The following PTPRN2 variants were observed in gnomAD, a reference collection of about 807,000 sequenced individuals.
The protein encoded by PTPRN2 is receptor-type tyrosine-protein phosphatase N2.
Under a neutral mutation model 118.8 loss-of-function variants are expected in PTPRN2, and 74 were observed. That is an observed-to-expected ratio of 0.62 (90% CI 0.52 to 0.76). The LOEUF (loss-of-function observed/expected upper bound fraction) is 0.76, where lower values mean the gene tolerates loss of function less well. PTPRN2 is among the 30% of genes least tolerant of loss of function. The probability of loss-of-function intolerance (pLI) is 0.00; values close to 1 mark genes in which losing one functional copy is unlikely to be tolerated. For synonymous variants in PTPRN2, 641 were observed against 608.0 expected (o/e 1.05, Z -0.80); for missense variants, 1,481 against 1,394.4 (o/e 1.06, Z -0.99).
chr7:158,581,640 T>G (rs1366839602), intron 1 of PTPRN2, among the ~76,000 whole-genome samples: 2 of 152,226 alleles, frequency 1.3e-5, no homozygotes. Flanking sequence ...GACACAGTCC[T>G]AGTCCTGGCA....
chr7:158,381,333 T>C (rs1208772170), intron 2 of PTPRN2, among the ~76,000 whole-genome samples: 1 of 152,234 alleles, frequency 6.6e-6, no homozygotes, highest in Admixed American at 6.5e-5. Context: ...TAGAAATTTC[T>C]TCCGCCACAT....
chr7:158,549,568 G>A (rs1826512972), intron 1 of PTPRN2, among the ~76,000 whole-genome samples: 1 of 152,280 alleles, frequency 6.6e-6, no homozygotes, highest in Non-Finnish European at 1.5e-5. Flanking sequence ...GCAAAGTCCT[G>A]CGGAGGCTGG....
At chr7:157,704,836 T>G (rs912506836) in intron 12 of PTPRN2, among the ~76,000 whole-genome samples, 1 of 152,226 alleles carries the variant, frequency 6.6e-6, no homozygotes, top group African/African-American at 2.4e-5. Flanking sequence ...AAAGTAATCT[T>G]CATAAGCCCC....
chr7:158,091,785 A>G, intron 10 of PTPRN2, among the ~76,000 whole-genome samples: 1 of 121,644 alleles, frequency 8.2e-6, no homozygotes. Flanking sequence ...TGGGTGGGTG[A>G]AGGATAGGTG....
At chr7:157,706,798 A>C (rs1173650249) in intron 12 of PTPRN2, among the ~76,000 whole-genome samples, 1 of 152,004 alleles carries the variant, frequency 6.6e-6, no homozygotes, top group Admixed American at 6.5e-5. Flanking sequence ...AACTGGGTGA[A>C]TCTGACCCCA....
chr7:158,154,203 CAG>C (rs1296620514), intron 6 of PTPRN2, among the ~76,000 whole-genome samples: 1 of 152,184 alleles, frequency 6.6e-6, no homozygotes, highest in African/African-American at 2.4e-5. Context: ...AACGCAGAGA[CAG>C]GTGTTCTCCG....
At position 157,671,996 on chromosome 7, in the gene PTPRN2, G is replaced by A. The variant is rs542110521; in HGVS notation, c.2001+10729C>T. 2.0e-5 allele frequency among the ~76,000 whole-genome samples: 3 copies of A among 152,142 alleles called. No homozygotes were observed. Among genetic ancestry groups the A allele is most frequent in the East Asian group, 1.9e-4 (1 of 5,176 alleles). On this transcript the variant is annotated intron_variant, in intron 13 of 22. Coordinates refer to ENST00000389418, the MANE Select transcript of PTPRN2 (RefSeq NM_002847.5). The surrounding 1 kb of genome is among the most constrained non-coding windows in gnomAD (Gnocchi z 4.1). ...CTGGAGGAAAACCCGTGAGCGAGTC[G>A]TGGAGGGAGTGTGAGGGTTTTTGGG...
At position 157,808,785 on chromosome 7, in the gene PTPRN2, C is replaced by T. The variant is rs964071129; in HGVS notation, c.1788+89888G>A. Among the ~76,000 whole-genome samples the T allele has an allele frequency of 5.9e-5, 9 of 152,146 alleles. No homozygotes were observed. The highest frequency in any genetic ancestry group is 1.3e-4 in the Admixed American group (2 of 15,266). ...CCCTGGTGCCAAAAAGAGTATGGAC[C>T]GCTGTCCTGGACAAACCCTGGGCCT... On this transcript the variant is annotated intron_variant, in intron 12 of 22. Coordinates refer to ENST00000389418, the MANE Select transcript of PTPRN2 (RefSeq NM_002847.5). The surrounding 1 kb of genome is among the most constrained non-coding windows in gnomAD (Gnocchi z 5.0).
intron 2 of PTPRN2, among the ~76,000 whole-genome samples, chr7:158,420,263 C>G (rs981717174): frequency 2.6e-5 from 4 of 152,166 alleles, no homozygotes; most frequent in African/African-American, 7.2e-5. Context: ...AGACTGCCCA[C>G]CCGCGAAAAG....
At chr7:157,790,681 C>T (rs1458020727) in intron 12 of PTPRN2, among the ~76,000 whole-genome samples, 1 of 152,096 alleles carries the variant, frequency 6.6e-6, no homozygotes, top group Non-Finnish European at 1.5e-5. Flanking sequence ...AAACAATTTA[C>T]CATAAGATAA....
At chr7:157,727,527 G>A (rs1057480802) in intron 12 of PTPRN2, among the ~76,000 whole-genome samples, 1 of 149,304 alleles carries the variant, frequency 6.7e-6, no homozygotes, top group African/African-American at 2.6e-5. Context: ...TGCCGGGGTG[G>A]GGGGAGGAAC....
intron 12 of PTPRN2, among the ~76,000 whole-genome samples, chr7:157,792,735 G>A (rs1015064852): frequency 6.6e-6 from 1 of 152,216 alleles, no homozygotes; most frequent in Non-Finnish European, 1.5e-5. Flanking sequence ...ACAGCCCGCA[G>A]ATGGGCCACC....
intron 9 of PTPRN2, among the ~76,000 whole-genome samples, chr7:158,117,220 G>C (rs1370042892): frequency 2.0e-5 from 3 of 152,014 alleles, no homozygotes; most frequent in Non-Finnish European, 2.9e-5. Flanking sequence ...ATGTCAAAGA[G>C]AAAACCTAAA....
At chr7:158,074,263 G>A (rs1812175714) in intron 11 of PTPRN2, among the ~76,000 whole-genome samples, 1 of 152,170 alleles carries the variant, frequency 6.6e-6, no homozygotes, top group African/African-American at 2.4e-5. Context: ...ACAGCCTCCT[G>A]CCGACGATCC....
intron 4 of PTPRN2, among the ~76,000 whole-genome samples, chr7:158,197,334 T>A (rs1179471295): frequency 6.6e-6 from 1 of 152,240 alleles, no homozygotes; most frequent in Non-Finnish European, 1.5e-5. Context: ...AGAAACACTT[T>A]AGGAAATACA....
At chr7:158,197,317 G>A (rs1409172288) in intron 4 of PTPRN2, among the ~76,000 whole-genome samples, 1 of 152,184 alleles carries the variant, frequency 6.6e-6, no homozygotes, top group Non-Finnish European at 1.5e-5. Context: ...GGTCTTTAGT[G>A]TGATTTAGAA....
intron 2 of PTPRN2, among the ~76,000 whole-genome samples, chr7:158,363,304 C>T (rs1331647205): frequency 6.6e-6 from 1 of 151,934 alleles, no homozygotes; most frequent in African/African-American, 2.4e-5. Flanking sequence ...CAGGTGCTCG[C>T]AGAGGCCCTG....
At position 157,618,556 on chromosome 7, in the gene PTPRN2, G is replaced by C. The variant is rs1332214376; in HGVS notation, c.2344+2806C>G. 6.6e-6 allele frequency: 1 copy of C among 152,318 alleles called. No homozygotes were observed. Among genetic ancestry groups the C allele is most frequent in the African/African-American group, 2.4e-5 (1 of 41,464 alleles). The allele number at this position is 152,318 out of a possible 1,614,324, so 9.4% of individuals were successfully genotyped here. A position where few individuals can be genotyped will look rare whatever the true frequency, so the allele number is the denominator to read the frequency against. ...GTGTGTGGCTGTTTTGGAGCCAGTT[G>C]TGTCCTGTGAAGAGCGCAGCGGCCG... On this transcript the variant is annotated intron_variant, in intron 15 of 22. Transcript: ENST00000389418. The surrounding 1 kb of genome is among the most constrained non-coding windows in gnomAD (Gnocchi z 4.2).
chr7:157,969,853 A>G (rs1026528470), intron 11 of PTPRN2, among the ~76,000 whole-genome samples: 1 of 152,000 alleles, frequency 6.6e-6, no homozygotes, highest in East Asian at 1.9e-4. Context: ...TAAGGGAGAG[A>G]GGAGAGGAAG....
Sources: allele counts gnomAD v4.1 joint callset (sites outside exome capture counted in the v4.1 genomes callset), GRCh38; gene constraint gnomAD v4.1.1; non-coding constraint Gnocchi (gnomAD v3.1); transcripts MANE v1.5; gene names NCBI Gene and HGNC (gene_info 2026-07-23, HGNC 2026-07-21).